The following NUP42 variants were observed in gnomAD, a reference collection of about 807,000 sequenced individuals.
NUP42 encodes nucleoporin NUP42.
Under a neutral mutation model 35.9 loss-of-function variants are expected in NUP42, and 47 were observed. That is an observed-to-expected ratio of 1.31 (90% CI 1.04 to 1.67). NUP42 has a LOEUF of 1.67. Ranked by LOEUF, NUP42 falls within the 40% of genes most tolerant of loss-of-function variation. NUP42 has a pLI of 0.00. For missense variants in NUP42, 514 were observed against 492.2 expected (o/e 1.04, Z -0.42); for synonymous variants, 173 against 173.3 (o/e 1.00, Z 0.01).
In NUP42 at chr7:23,182,376, A is replaced by G. The variant is rs923457773; in HGVS notation, c.121+170A>G. 17 of 1,420,588 alleles carry G rather than the reference A, an allele frequency of 1.2e-5. No homozygotes were observed. The African/African-American group carries it at 1.7e-4, about 14-fold the overall frequency. 88.0% of individuals were successfully genotyped at this position (1,420,588 alleles called of 1,614,324 possible). A position where few individuals can be genotyped will look rare whatever the true frequency, so the allele number is the denominator to read the frequency against. ...TTTTTAAACCGAGGGTTTTATCTACATATTATTCATGTGGTCCGTTTTTAT... is the reference window on the plus strand; with the variant it reads ...TTTTTAAACCGAGGGTTTTATCTACGTATTATTCATGTGGTCCGTTTTTAT... On this transcript the variant is annotated intron_variant, in intron 1 of 6. Coordinates refer to ENST00000258742, the MANE Select transcript of NUP42 (RefSeq NM_007342.3).
intron 1 of NUP42, among the ~76,000 whole-genome samples, chr7:23,184,659 A>C (rs1785529278): frequency 6.6e-6 from 1 of 152,204 alleles, no homozygotes; most frequent in Non-Finnish European, 1.5e-5. Context: ...TGCTTGTTGA[A>C]TCTTTCTATA....
chr7:23,200,561 C>T lies in NUP42; in HGVS notation c.1088C>T (p.Thr363Ile). The T allele has an allele frequency of 1.2e-6, 2 of 1,614,102 alleles. No individual in the cohort carries two copies. The highest frequency in any genetic ancestry group is 1.7e-6 in the Non-Finnish European group (2 of 1,180,014). Residue 363 changes from threonine (T) to isoleucine (I), a missense_variant, in exon 7 of 7, where the codon ACT becomes ATT. Thr to Ile is a moderately conservative substitution (Grantham distance 89). Coordinates refer to ENST00000258742, the MANE Select transcript of NUP42 (RefSeq NM_007342.3). ...GCTTTTTCTAAGCCATCCAGTGACA[C>T]TTTTGGAAATAGCAGCATATCCACT... ...HTAFSKPSSD[T>I]FGNSSISTSL...
intron 3 of NUP42, chr7:23,187,425 AC>A: frequency 4.2e-6 from 1 of 238,020 alleles, no homozygotes; most frequent in African/African-American, 2.3e-5. Context: ...CAACTTTGGA[AC>A]CTCTTAGCTT....
chr7:23,183,752 T>A lies in NUP42; in HGVS notation c.122-1318T>A, dbSNP rs185894124. ...TTATAAGTATGAAGACCAAAAGCAA[T>A]GTAAAAAAAAAAAAAAAAAAAAAAA... On this transcript the variant is annotated intron_variant, in intron 1 of 6. Transcript: ENST00000258742. 8.7e-3 allele frequency among the ~76,000 whole-genome samples: 789 copies of A among 90,258 alleles called. 8 individuals are homozygous for A. Among genetic ancestry groups the A allele is most frequent in the African/African-American group, 0.032 (728 of 22,440 alleles). The allele number at this position is 90,258 out of a possible 152,430, so 59.2% of individuals were successfully genotyped here.
intron 4 of NUP42, 58 bp downstream of exon 4, chr7:23,195,973 T>G (rs1270058272): frequency 2.7e-6 from 3 of 1,091,300 alleles, no homozygotes; most frequent in Non-Finnish European, 2.7e-6. Flanking sequence ...ATTACTGCTT[T>G]CTTTATCGTG....
At chr7:23,193,902 AAGAAATCCAGC>A (rs1785910118) in intron 3 of NUP42, among the ~76,000 whole-genome samples, 1 of 152,248 alleles carries the variant, frequency 6.6e-6, no homozygotes, top group Non-Finnish European at 1.5e-5. Flanking sequence ...AAGACCCGGC[AAGAAATCCAGC>A]GCAGCGCCGG....
At position 23,182,359 on chromosome 7, in the gene NUP42, C is replaced by T; in HGVS notation, c.121+153C>T. ...CTGGGCCCTGCACAACGTTTTTAAA[C>T]CGAGGGTTTTATCTACATATTATTC... On this transcript the variant is annotated intron_variant, in intron 1 of 6. Coordinates refer to ENST00000258742, the MANE Select transcript of NUP42 (RefSeq NM_007342.3). 3 of 1,436,616 alleles carry T rather than the reference C, an allele frequency of 2.1e-6. No individual in the cohort carries two copies. In the South Asian group the frequency reaches 4.4e-5, roughly 21 times the overall value. The allele number at this position is 1,436,616 out of a possible 1,614,324, so 89.0% of individuals were successfully genotyped here. A position where few individuals can be genotyped will look rare whatever the true frequency, so the allele number is the denominator to read the frequency against.
chr7:23,185,599 T>A (rs1334782566), intron 2 of NUP42, among the ~76,000 whole-genome samples: 1 of 152,234 alleles, frequency 6.6e-6, no homozygotes, highest in Non-Finnish European at 1.5e-5. Flanking sequence ...TTTTCCACTT[T>A]GTGTTGATAA....
intron 3 of NUP42, among the ~76,000 whole-genome samples, chr7:23,190,032 G>C (rs1213318241): frequency 6.6e-6 from 1 of 152,034 alleles, no homozygotes; most frequent in Non-Finnish European, 1.5e-5. Flanking sequence ...ACAAAATTAT[G>C]CATGGCTGAA....
chr7:23,196,938 G>C (rs1303863354), intron 5 of NUP42, among the ~76,000 whole-genome samples, 172 bp downstream of exon 5: 1 of 152,284 alleles, frequency 6.6e-6, no homozygotes, highest in Admixed American at 6.5e-5. Flanking sequence ...AGTTTTCTCT[G>C]TGTTCCTTGG....
At chr7:23,193,051 G>C (rs954634693) in intron 3 of NUP42, among the ~76,000 whole-genome samples, 7 of 151,966 alleles carry the variant, frequency 4.6e-5, no homozygotes, top group Non-Finnish European at 8.8e-5. Flanking sequence ...GGACCTTCGC[G>C]GTGAGTGTTA....
intron 3 of NUP42, chr7:23,187,999 T>C: frequency 1.0e-6 from 1 of 991,226 alleles, no homozygotes; most frequent in Non-Finnish European, 1.5e-6. Flanking sequence ...TCTCTTTTTT[T>C]ATTTTTTATT....
Position 23,195,885 on chromosome 7 carries a change from CT to C in NUP42, c.494del (p.Phe165SerfsTer2). 2 of 1,605,908 alleles carry C rather than the reference CT, an allele frequency of 1.2e-6. No individual in the cohort carries two copies. Among genetic ancestry groups the C allele is most frequent in the Non-Finnish European group, 1.7e-6 (2 of 1,175,810 alleles). On this transcript the variant is annotated frameshift_variant, in exon 4 of 7. Transcript: ENST00000258742. LOFTEE classifies it high-confidence loss of function. ...PEELRLEYHN[F>X]LTSNNLQSYL... Reference sequence around the variant, plus strand: ...AGGAATTGAGGCTTGAATACCATAACTTCTTAACCAGCAATAACTTACAGAG... The same window carrying C: ...AGGAATTGAGGCTTGAATACCATAACTCTTAACCAGCAATAACTTACAGAG...
intron 3 of NUP42, chr7:23,187,937 TCTCTC>T: frequency 1.2e-5 from 3 of 258,926 alleles, no homozygotes; most frequent in Non-Finnish European, 1.4e-5. Flanking sequence ...ATATTCTCTG[TCTCTC>T]TCTCTCTCTC....
chr7:23,192,479 C>A (rs1728321), intron 3 of NUP42, among the ~76,000 whole-genome samples: 13,288 of 146,822 alleles, frequency 0.091, 916 homozygotes, highest in African/African-American at 0.19. Flanking sequence ...CCCAGGAGGC[C>A]GAGGTTGCAG....
At chr7:23,197,047 GTTTAAGTA>G in intron 5 of NUP42, 1 of 461,822 alleles carries the variant, frequency 2.2e-6, no homozygotes, top group East Asian at 6.0e-5. Context: ...TATTACATAA[GTTTAAGTA>G]TTTAAGGTTA....
Position 23,200,654 on chromosome 7 carries a change from C to G in NUP42, c.1181C>G (p.Thr394Arg). 1 of 1,613,342 alleles carries G rather than the reference C, an allele frequency of 6.2e-7. No homozygotes were observed. The highest frequency in any genetic ancestry group is 8.5e-7 in the Non-Finnish European group (1 of 1,179,720). ...NVLFTPRDKL[T>R]VEELEQFQSK... ...TTATTCACACCCAGAGATAAACTAA[C>G]AGTAGAAGAACTGGAACAATTTCAA... Residue 394 changes from threonine to arginine, a missense_variant, in exon 7 of 7, where the codon ACA becomes AGA. Physicochemically the swap from Thr to Arg is moderately conservative, Grantham distance 71. Coordinates refer to ENST00000258742, the MANE Select transcript of NUP42 (RefSeq NM_007342.3).
chr7:23,188,017 T>A (rs540307630), intron 3 of NUP42: 32 of 1,163,162 alleles, frequency 2.8e-5, no homozygotes, highest in South Asian at 5.0e-5. Flanking sequence ...ATTTTTATTT[T>A]TTTTTTTGTC....
At chr7:23,197,047 G>A (rs1786036355) in intron 5 of NUP42, 2 of 461,704 alleles carry the variant, frequency 4.3e-6, no homozygotes, top group Non-Finnish European at 7.6e-6. Context: ...TATTACATAA[G>A]TTTAAGTATT....
Sources: allele counts gnomAD v4.1 joint callset (sites outside exome capture counted in the v4.1 genomes callset), GRCh38; gene constraint gnomAD v4.1.1; transcripts MANE v1.5; gene names NCBI Gene and HGNC (gene_info 2026-07-23, HGNC 2026-07-21).